ATP2C1: variants seen among roughly 807,000 people sequenced by gnomAD.
The protein encoded by ATP2C1 is calcium-transporting ATPase type 2C member 1.
Under a neutral mutation model 120.5 loss-of-function variants are expected in ATP2C1, and 31 were observed. That is an observed-to-expected ratio of 0.26 (90% CI 0.19 to 0.35). The LOEUF is 0.35. Among genes scored for constraint, ATP2C1 ranks in the 10% least tolerant of loss-of-function variants. The probability of loss-of-function intolerance (pLI) is 1.00; values close to 1 mark genes in which losing one functional copy is unlikely to be tolerated. For missense variants in ATP2C1, 731 were observed against 1,107.5 expected (o/e 0.66, Z 4.83); for synonymous variants, 351 against 358.7 (o/e 0.98, Z 0.24).
At position 130,975,358 on chromosome 3, in the gene ATP2C1, AG is replaced by A; in HGVS notation, c.1442del (p.Gly481ValfsTer6). 6.2e-7 allele frequency: 1 copy of A among 1,613,878 alleles called. No individual in the cohort carries two copies. Among genetic ancestry groups the A allele is most frequent in the Non-Finnish European group, 8.5e-7 (1 of 1,179,806 alleles). On this transcript the variant is annotated frameshift_variant, in exon 18 of 28. Coordinates refer to ENST00000510168, the MANE Select transcript of ATP2C1 (RefSeq NM_001378687.1). LOFTEE classifies it high-confidence loss of function. ...QDRPEICFMK[G>X]AYEQVIKYCT... The stretch of plus-strand genomic sequence containing the variant: ...ACAGACCAGAGATTTGTTTTATGAA[AG>A]GTGCTTACGAACAAGTAATTAAGTA...
intron 12 of ATP2C1, among the ~76,000 whole-genome samples, chr3:130,961,075 G>GT (rs1029394746): frequency 7.5e-4 from 110 of 146,674 alleles, no homozygotes; most frequent in South Asian, 1.7e-3. Flanking sequence ...GAAAGAATGT[G>GT]TTTTTTTTTT....
chr3:130,915,462 G>A lies in ATP2C1; in HGVS notation c.7-14954G>A, dbSNP rs530890194. On this transcript the variant is annotated intron_variant, in intron 2 of 27. Transcript: ENST00000510168. ...ATATAGTGTTAGTTGAAAAATTAGG[G>A]AAAAAGTCTGTTACTTAGCTTAGTT... Among the ~76,000 whole-genome samples, 579 of 152,162 alleles carry A rather than the reference G, an allele frequency of 3.8e-3. 3 individuals carry two copies. The highest frequency in any genetic ancestry group is 0.014 in the Middle Eastern group (4 of 294).
intron 11 of ATP2C1, 89 bp downstream of exon 11, chr3:130,956,268 C>T (rs1302422929): frequency 2.6e-6 from 2 of 755,088 alleles, no homozygotes; most frequent in Non-Finnish European, 4.3e-6. Context: ...TATTTATTGG[C>T]TTTTCTTTTT....
At chr3:130,883,481 C>T (rs755756778) in intron 1 of ATP2C1, among the ~76,000 whole-genome samples, 3 of 146,428 alleles carry the variant, frequency 2.0e-5, no homozygotes, top group Admixed American at 6.8e-5. Context: ...TTTTTTTCTC[C>T]ACAGAGTTTT....
intron 22 of ATP2C1, among the ~76,000 whole-genome samples, chr3:130,994,917 TA>T (rs2108903531): frequency 6.6e-6 from 1 of 152,338 alleles, no homozygotes; most frequent in South Asian, 2.1e-4. Flanking sequence ...ATGAATGAGA[TA>T]ATTTATATGA....
At chr3:130,956,759 A>G (rs1165087687) in intron 11 of ATP2C1, among the ~76,000 whole-genome samples, 1 of 152,126 alleles carries the variant, frequency 6.6e-6, no homozygotes, top group African/African-American at 2.4e-5. Flanking sequence ...ATTAACTTCA[A>G]CTGTAAATAA....
At chr3:130,872,529 C>A (rs896359408) in intron 1 of ATP2C1, among the ~76,000 whole-genome samples, 1 of 151,750 alleles carries the variant, frequency 6.6e-6, no homozygotes, top group Non-Finnish European at 1.5e-5. Flanking sequence ...CAGTACTATG[C>A]CTATCTGTGA....
intron 9 of ATP2C1, 105 bp from the exon 10 acceptor site, chr3:130,954,907 T>A (rs1304569073): frequency 1.3e-6 from 1 of 795,948 alleles, no homozygotes; most frequent in Non-Finnish European, 2.2e-6. Flanking sequence ...ATGTTAGACA[T>A]CTTCACTGTA....
At chr3:130,957,672 C>T (rs773069243) in intron 11 of ATP2C1, among the ~76,000 whole-genome samples, 6 of 151,910 alleles carry the variant, frequency 3.9e-5, no homozygotes, top group Non-Finnish European at 7.4e-5. Context: ...CTCAGCCTCC[C>T]GAGTAGCTGG....
rs918534816 is a variant in ATP2C1 at position 130,937,413 on chromosome 3, G to A, written c.325-15G>A. On this transcript the variant is annotated splice_polypyrimidine_tract_variant and intron_variant, in intron 5 of 27. Transcript: ENST00000510168. Reference sequence around the variant, plus strand: ...AAGTTAATGTCTGATTTAAAAGCCTGTTTCTTTTGTTTAGGCAATACTTAT... The same window carrying A: ...AAGTTAATGTCTGATTTAAAAGCCTATTTCTTTTGTTTAGGCAATACTTAT... The A allele has an allele frequency of 1.9e-6, 3 of 1,611,426 alleles. No homozygotes were observed. The highest frequency in any genetic ancestry group is 1.7e-5 in the Admixed American group (1 of 59,978).
chr3:130,912,736 A>C (rs2058491659), intron 2 of ATP2C1, among the ~76,000 whole-genome samples: 1 of 147,886 alleles, frequency 6.8e-6, no homozygotes, highest in African/African-American at 2.5e-5. Context: ...CATTTGACCC[A>C]GCCATCCCAT....
At chr3:130,991,508 A>G (rs2062340901) in intron 20 of ATP2C1, among the ~76,000 whole-genome samples, 1 of 152,098 alleles carries the variant, frequency 6.6e-6, no homozygotes, top group Admixed American at 6.6e-5. Context: ...TTGCTGCTGC[A>G]CTTTACCATC....
At chr3:130,949,028 G>A (rs559898120) in intron 8 of ATP2C1, among the ~76,000 whole-genome samples, 1 of 152,190 alleles carries the variant, frequency 6.6e-6, no homozygotes, top group Admixed American at 6.5e-5. Flanking sequence ...CTGAGAAACA[G>A]CAATATGGAA....
chr3:130,935,683 G>A (rs1286076743), intron 5 of ATP2C1, among the ~76,000 whole-genome samples: 1 of 152,160 alleles, frequency 6.6e-6, no homozygotes, highest in Admixed American at 6.5e-5. Flanking sequence ...AAAAACAATG[G>A]CAGGTGAAAC....
chr3:130,971,046 G>T (rs2108692154), intron 17 of ATP2C1, among the ~76,000 whole-genome samples: 1 of 152,274 alleles, frequency 6.6e-6, no homozygotes, highest in Non-Finnish European at 1.5e-5. Flanking sequence ...ACGTTTTAAT[G>T]TAAAGCTTTC....
chr3:130,875,968 GT>G (rs199515476), intron 1 of ATP2C1, among the ~76,000 whole-genome samples: 1 of 150,194 alleles, frequency 6.7e-6, no homozygotes, highest in African/African-American at 2.4e-5. Context: ...AAATATTTGA[GT>G]TTTTTTTGGA....
chr3:131,015,218 G>A (rs552507543), intron 26 of ATP2C1: 8 of 702,070 alleles, frequency 1.1e-5, no homozygotes, highest in African/African-American at 8.7e-5. Flanking sequence ...TTTTGTATGC[G>A]TCCATATATC....
At chr3:130,949,615 A>G (rs749216844) in intron 8 of ATP2C1, among the ~76,000 whole-genome samples, 29 of 151,976 alleles carry the variant, frequency 1.9e-4, no homozygotes, top group South Asian at 1.0e-3. Flanking sequence ...AATGTAGATG[A>G]AACAGCTGTA....
At chr3:130,861,164 G>C (rs188006260) in intron 1 of ATP2C1, among the ~76,000 whole-genome samples, 1 of 152,278 alleles carries the variant, frequency 6.6e-6, no homozygotes, top group Admixed American at 6.5e-5. Flanking sequence ...AGTTACTCGG[G>C]AGGCTGAGGC....
Sources: allele counts gnomAD v4.1 joint callset (sites outside exome capture counted in the v4.1 genomes callset), GRCh38; gene constraint gnomAD v4.1.1; transcripts MANE v1.5; gene names NCBI Gene and HGNC (gene_info 2026-07-23, HGNC 2026-07-21).